The following SUGT1 variants were observed in gnomAD, a reference collection of about 807,000 sequenced individuals.
SUGT1 encodes protein SGT1 homolog.
SUGT1 carries 15 observed loss-of-function variants against 56.1 expected under a neutral mutation model. The ratio of observed to expected loss-of-function variants is 0.27; its 90% CI spans 0.18 to 0.41. The LOEUF (loss-of-function observed/expected upper bound fraction) is 0.41, where lower values mean the gene tolerates loss of function less well. Ranked by LOEUF, SUGT1 falls within the 10% of genes least tolerant of loss-of-function variation. The pLI is 1.00. For synonymous variants in SUGT1, 123 were observed against 128.6 expected (o/e 0.96, Z 0.30); for missense variants, 347 against 382.2 (o/e 0.91, Z 0.77).
At chr13:52,675,861 GTCATT>G in intron 10 of SUGT1, among the ~76,000 whole-genome samples, 1 of 152,224 alleles carries the variant, frequency 6.6e-6, no homozygotes, top group African/African-American at 2.4e-5. Context: ...CTCAATAGAT[GTCATT>G]ATCACCTCTT....
intron 11 of SUGT1, among the ~76,000 whole-genome samples, chr13:52,679,623 A>G (rs574739782): frequency 6.6e-6 from 1 of 152,332 alleles, no homozygotes; most frequent in South Asian, 2.1e-4. Flanking sequence ...CTGTCTCTGC[A>G]ACTTTTCTGA....
Position 52,697,987 on chromosome 13 carries a change from T to C in SUGT1, c.*10152T>C, listed in dbSNP as rs1479112874. On this transcript the variant is annotated 3_prime_UTR_variant, in exon 13 of 13. Coordinates refer to ENST00000310528, the MANE Select transcript of SUGT1 (RefSeq NM_006704.5). ...AACTATAGGTAATAGCATATGTTAG[T>C]CTAATCTTTGTTTAGCAAAGCTATT... 1 of 152,238 alleles carries C rather than the reference T, an allele frequency of 6.6e-6. No individual in the cohort carries two copies. The highest frequency in any genetic ancestry group is 1.5e-5 in the Non-Finnish European group (1 of 68,042). 9.4% of individuals were successfully genotyped at this position (152,238 alleles called of 1,614,324 possible). A position where few individuals can be genotyped will look rare whatever the true frequency, so the allele number is the denominator to read the frequency against.
In SUGT1 at chr13:52,700,799, C is replaced by A. The variant is rs1255296187; in HGVS notation, c.*12964C>A. The A allele has an allele frequency of 6.6e-6, 1 of 152,058 alleles. No individual in the cohort carries two copies. Among genetic ancestry groups the A allele is most frequent in the Non-Finnish European group, 1.5e-5 (1 of 68,008 alleles). The allele number at this position is 152,058 out of a possible 1,614,324, so 9.4% of individuals were successfully genotyped here. A position where few individuals can be genotyped will look rare whatever the true frequency, so the allele number is the denominator to read the frequency against. ...TAAAATACATGTTCATAAAACAGAT[C>A]AACATATTTAGCTTATACAGAAATA... On this transcript the variant is annotated 3_prime_UTR_variant, in exon 13 of 13. Transcript: ENST00000310528.
At position 52,699,822 on chromosome 13, in the gene SUGT1, A is replaced by G. The variant is rs973183194; in HGVS notation, c.*11987A>G. ...CCCTGAAGGACAGGACGCCATAGAA[A>G]TCCTGTTTTTTTAAAAAAGTAATTT... On this transcript the variant is annotated 3_prime_UTR_variant, in exon 13 of 13. Transcript: ENST00000310528. 3.9e-5 allele frequency: 6 copies of G among 152,170 alleles called. No individual in the cohort carries two copies. The highest frequency in any genetic ancestry group is 6.5e-5 in the Admixed American group (1 of 15,282). The allele number at this position is 152,170 out of a possible 1,614,324, so 9.4% of individuals were successfully genotyped here.
intron 5 of SUGT1, among the ~76,000 whole-genome samples, chr13:52,662,422 A>T (rs1359256133): frequency 1.3e-5 from 2 of 152,248 alleles, no homozygotes; most frequent in East Asian, 3.8e-4. Context: ...TGTAGTTAAA[A>T]TTTTTAAAAA....
intron 12 of SUGT1, among the ~76,000 whole-genome samples, chr13:52,682,226 T>A (rs1279562694): frequency 6.6e-6 from 1 of 152,104 alleles, no homozygotes; most frequent in Non-Finnish European, 1.5e-5. Flanking sequence ...AGAGACAGGG[T>A]CTCATTCTGT....
At chr13:52,671,229 T>G (rs556740714) in intron 10 of SUGT1, among the ~76,000 whole-genome samples, 2 of 152,118 alleles carry the variant, frequency 1.3e-5, no homozygotes, top group African/African-American at 4.8e-5. Flanking sequence ...CTTTTTTAAC[T>G]GAATTAGTTT....
At chr13:52,686,604 C>T (rs926780655) in intron 12 of SUGT1, among the ~76,000 whole-genome samples, 11 of 152,106 alleles carry the variant, frequency 7.2e-5, no homozygotes, top group African/African-American at 2.4e-4. Context: ...TAAGGGAGCT[C>T]GGTAGAGCGT....
At chr13:52,669,157 T>A (rs56373931) in intron 10 of SUGT1, among the ~76,000 whole-genome samples, 10 of 152,340 alleles carry the variant, frequency 6.6e-5, no homozygotes, top group African/African-American at 2.4e-4. Flanking sequence ...TAGTAGTTTA[T>A]GTATACATTT....
intron 10 of SUGT1, among the ~76,000 whole-genome samples, chr13:52,672,852 C>G (rs765946647): frequency 5.5e-4 from 83 of 152,174 alleles, no homozygotes; most frequent in Admixed American, 1.2e-3. Flanking sequence ...ATTAAACTCT[C>G]TGCTATGCAG....
In SUGT1 at chr13:52,688,404, G is replaced by A. The variant is rs1963673539; in HGVS notation, c.*569G>A. The stretch of plus-strand genomic sequence containing the variant: ...ATGGGAAGAATTTGTAAATTTAATT[G>A]CACTGAGATATTTTGGTCGTTACCT... On this transcript the variant is annotated 3_prime_UTR_variant, in exon 13 of 13. Transcript: ENST00000310528. The A allele has an allele frequency of 6.6e-6, 1 of 152,130 alleles. No homozygotes were observed. Among genetic ancestry groups the A allele is most frequent in the South Asian group, 2.1e-4 (1 of 4,828 alleles). The allele number at this position is 152,130 out of a possible 1,614,324, so 9.4% of individuals were successfully genotyped here.
At chr13:52,660,643 A>G (rs1448931371) in intron 5 of SUGT1, among the ~76,000 whole-genome samples, 1 of 152,220 alleles carries the variant, frequency 6.6e-6, no homozygotes, top group Admixed American at 6.5e-5. Flanking sequence ...CTTATTCTCA[A>G]ACTTGCTTAT....
intron 10 of SUGT1, among the ~76,000 whole-genome samples, chr13:52,667,949 T>C (rs2138136088): frequency 6.6e-6 from 1 of 151,996 alleles, no homozygotes; most frequent in African/African-American, 2.4e-5. Context: ...ATAAATGATG[T>C]AGGTAGGCTT....
At chr13:52,659,808 ATATATATTTTTTTTTTTTT>A (rs1433661959) in intron 5 of SUGT1, among the ~76,000 whole-genome samples, 20 of 17,992 alleles carry the variant, frequency 1.1e-3, no homozygotes, top group African/African-American at 3.7e-3. Flanking sequence ...ATATATATAT[ATATATATTTTTTTTTTTTT>A]TTTTTTTTTT....
Position 52,680,058 on chromosome 13 carries a change from A to G in SUGT1, c.803A>G (p.Asn268Ser), listed in dbSNP as rs747034845. The G allele has an allele frequency of 6.9e-6, 11 of 1,599,602 alleles. No homozygotes were observed. Among genetic ancestry groups the G allele is most frequent in the Non-Finnish European group, 9.4e-6 (11 of 1,176,456 alleles). Residue 268 changes from asparagine (N) to serine (S), a missense_variant, in exon 12 of 13, where the codon AAT becomes AGT. By Grantham distance (46) the Asn-to-Ser change is conservative (BLOSUM62 1). Transcript: ENST00000310528. The stretch of plus-strand genomic sequence containing the variant: ...GGTGAGATCAAAGAAGAAGAAAAGA[A>G]TGAAAAGTTGGAGGGAGATGCAGCT... ...LVGEIKEEEKNEKLEGDAALN... is the reference protein window; with the variant it reads ...LVGEIKEEEKSEKLEGDAALN...
rs1594264242 is a variant in SUGT1 at position 52,690,901 on chromosome 13, T to C, written c.*3066T>C. 2 of 141,552 alleles carry C rather than the reference T, an allele frequency of 1.4e-5. No homozygotes were observed. Among genetic ancestry groups the C allele is most frequent in the Non-Finnish European group, 3.2e-5 (2 of 61,646 alleles). The allele number at this position is 141,552 out of a possible 1,614,324, so 8.8% of individuals were successfully genotyped here. A position where few individuals can be genotyped will look rare whatever the true frequency, so the allele number is the denominator to read the frequency against. On this transcript the variant is annotated 3_prime_UTR_variant, in exon 13 of 13. Coordinates refer to ENST00000310528, the MANE Select transcript of SUGT1 (RefSeq NM_006704.5). ...TAAAAATTTGTTTAGAGACACGGTC[T>C]TCTTCTATCACCTAGGCTGGAGTGC...
rs764131039 is a variant in SUGT1, at chr13:52,653,052, C to G, written c.45C>G (p.Phe15Leu). 6.2e-7 allele frequency: 1 copy of G among 1,614,162 alleles called. No individual in the cohort carries two copies. Among genetic ancestry groups the G allele is most frequent in the Non-Finnish European group, 8.5e-7 (1 of 1,180,028 alleles). The part of the protein sequence containing the change: ...AAGTATSQRF[F>L]QSFSDALIDE... ...GTCGTTGTTTTCCTGACAGGTTTTT[C>G]CAGAGCTTCTCGGATGCCCTAATCG... is the stretch of plus-strand genomic sequence containing the variant. Residue 15 changes from phenylalanine (F) to leucine (L), a missense_variant, in exon 2 of 13, where the codon TTC (phenylalanine) becomes TTG (leucine). Phe to Leu is a conservative substitution (Grantham distance 22). Coordinates refer to ENST00000310528, the MANE Select transcript of SUGT1 (RefSeq NM_006704.5).
chr13:52,678,753 A>T (rs1383272360), intron 11 of SUGT1, among the ~76,000 whole-genome samples: 1 of 134,640 alleles, frequency 7.4e-6, no homozygotes, highest in African/African-American at 2.8e-5. Flanking sequence ...GTCATGGCTC[A>T]GTGTAGCCTC....
At chr13:52,681,578 T>G (rs1330966294) in intron 12 of SUGT1, among the ~76,000 whole-genome samples, 1 of 152,026 alleles carries the variant, frequency 6.6e-6, no homozygotes, top group Non-Finnish European at 1.5e-5. Flanking sequence ...ATACTGACAG[T>G]TAAGATAGGG....
Sources: allele counts gnomAD v4.1 joint callset (sites outside exome capture counted in the v4.1 genomes callset), GRCh38; gene constraint gnomAD v4.1.1; transcripts MANE v1.5; gene names NCBI Gene and HGNC (gene_info 2026-07-23, HGNC 2026-07-21).